Variants in NAV3 observed in about 807,000 individuals in gnomAD.
NAV3 encodes neuron navigator 3, also known as pore membrane and/or filament interacting like protein 1.
A neutral mutation model predicts 244.7 loss-of-function variants in NAV3; 87 were observed. The observed-to-expected ratio is 0.36, with a 90% CI of 0.30 to 0.42. The LOEUF is 0.42. Among genes scored for constraint, NAV3 ranks in the 20% least tolerant of loss-of-function variants. The probability of loss-of-function intolerance (pLI) is 1.00; values close to 1 mark genes in which losing one functional copy is unlikely to be tolerated. For synonymous variants in NAV3, 1,126 were observed against 1,042.2 expected (o/e 1.08, Z -1.55); for missense variants, 2,663 against 2,893.3 (o/e 0.92, Z 1.83).
At chr12:77,833,725 C>T (rs1203569243) in intron 1 of NAV3, among the ~76,000 whole-genome samples, 1 of 152,188 alleles carries the variant, frequency 6.6e-6, no homozygotes, top group Admixed American at 6.5e-5. Context: ...AATCGAGTCA[C>T]ATGTGGGCTT....
At chr12:77,646,730 T>C (rs1344115195) in intron 2 of NAV3, among the ~76,000 whole-genome samples, 1 of 151,800 alleles carries the variant, frequency 6.6e-6, no homozygotes, top group Non-Finnish European at 1.5e-5. Flanking sequence ...GATAGGAGGG[T>C]CACTTTGAAG....
intron 9 of NAV3, among the ~76,000 whole-genome samples, chr12:78,022,202 G>T (rs1002401787): frequency 1.3e-4 from 20 of 152,106 alleles, no homozygotes; most frequent in African/African-American, 4.8e-4. Context: ...AATGCAGCCT[G>T]CTCTGTCATC....
chr12:78,178,414 G>A (rs772028676), intron 28 of NAV3, among the ~76,000 whole-genome samples: 1 of 151,876 alleles, frequency 6.6e-6, no homozygotes, highest in Non-Finnish European at 1.5e-5. Context: ...ACCCACCTCG[G>A]CCTCCCAAAG....
chr12:78,171,597 T>C (rs1958000420), intron 24 of NAV3, among the ~76,000 whole-genome samples: 1 of 151,616 alleles, frequency 6.6e-6, no homozygotes, highest in African/African-American at 2.4e-5. Context: ...ATTTCTGTAA[T>C]ATTAAAACTC....
intron 1 of NAV3, among the ~76,000 whole-genome samples, chr12:77,865,054 T>C (rs2136376835): frequency 6.6e-6 from 1 of 152,166 alleles, no homozygotes; most frequent in South Asian, 2.1e-4. Context: ...AAATGTAACC[T>C]TGTAAGATCT....
chr12:77,624,327 T>C (rs1871518499), intron 2 of NAV3, among the ~76,000 whole-genome samples: 1 of 151,978 alleles, frequency 6.6e-6, no homozygotes, highest in African/African-American at 2.4e-5. Context: ...TAGCGGAAAG[T>C]TGCAAGAAAT....
At chr12:77,739,953 A>G (rs74396112) in intron 2 of NAV3, among the ~76,000 whole-genome samples, 2,059 of 152,320 alleles carry the variant, frequency 0.014, 53 homozygotes, top group Admixed American at 0.069. Context: ...TAAATTATTT[A>G]AATTGAATTA....
At chr12:78,050,130 C>T (rs949165348) in intron 10 of NAV3, 29 bp downstream of exon 10, 3 of 1,452,988 alleles carry the variant, frequency 2.1e-6, no homozygotes, top group Non-Finnish European at 2.9e-6. Flanking sequence ...TATATTTGAG[C>T]CAATAAAGAA....
rs537525051 is a variant in NAV3 at position 77,616,876 on chromosome 12, A to G, written c.72+44610A>G. Among the ~76,000 whole-genome samples the G allele has an allele frequency of 1.1e-4, 17 of 152,250 alleles. No homozygotes were observed. The East Asian group carries it at 3.1e-3, about 28-fold the overall frequency. On this transcript the variant is annotated intron_variant, in intron 2 of 8. Transcript: ENST00000550042. ...AACAACTTTTCTACATTTCTTTTAT[A>G]TTTTATAATCCTAAGAGACTGCTAA...
At chr12:78,131,571 C>A (rs1157132553) in intron 18 of NAV3, among the ~76,000 whole-genome samples, 3 of 152,126 alleles carry the variant, frequency 2.0e-5, no homozygotes, top group Non-Finnish European at 4.4e-5. Context: ...CCTATCAATT[C>A]TTTCATTAAT....
intron 5 of NAV3, among the ~76,000 whole-genome samples, chr12:77,993,111 G>C (rs1055728728): frequency 6.6e-6 from 1 of 152,142 alleles, no homozygotes; most frequent in Non-Finnish European, 1.5e-5. Context: ...AAACTTTATG[G>C]ACTTTGTTGT....
intron 36 of NAV3, chr12:78,199,085 A>G (rs1399826303): frequency 1.7e-6 from 1 of 597,212 alleles, no homozygotes; most frequent in Non-Finnish European, 3.1e-6. Context: ...CAGCATTTAG[A>G]CTCCCACTCA....
chr12:77,883,685 G>A (rs917976756), intron 1 of NAV3, among the ~76,000 whole-genome samples: 4 of 152,152 alleles, frequency 2.6e-5, no homozygotes, highest in Non-Finnish European at 5.9e-5. Context: ...GACAGAGTGA[G>A]GTGAGAACAT....
chr12:77,728,084 A>G (rs1876960365), intron 2 of NAV3, among the ~76,000 whole-genome samples: 1 of 151,846 alleles, frequency 6.6e-6, no homozygotes, highest in Admixed American at 6.6e-5. Flanking sequence ...CAAACTGCAA[A>G]TGGCTACGAT....
intron 2 of NAV3, among the ~76,000 whole-genome samples, chr12:77,749,826 G>T (rs1460682341): frequency 1.3e-5 from 2 of 151,980 alleles, no homozygotes; most frequent in African/African-American, 2.4e-5. Context: ...TATCAGAGTG[G>T]GTCTAAAAGA....
chr12:77,664,277 C>T (rs1271327964), intron 2 of NAV3, among the ~76,000 whole-genome samples: 1 of 152,118 alleles, frequency 6.6e-6, no homozygotes. Context: ...AATCTTCCTA[C>T]TTATATATCA....
At chr12:77,951,939 G>C (rs1015457026) in intron 3 of NAV3, among the ~76,000 whole-genome samples, 1 of 151,912 alleles carries the variant, frequency 6.6e-6, no homozygotes. Flanking sequence ...GAGAGGGGAG[G>C]GATAGCATCA....
At chr12:77,614,074 CTTTTTTTTTTT>C (rs71440485) in intron 2 of NAV3, among the ~76,000 whole-genome samples, 66 of 95,676 alleles carry the variant, frequency 6.9e-4, no homozygotes, top group African/African-American at 1.9e-3. Context: ...TTCTTTCTCT[CTTTTTTTTTTT>C]TTTTTTTTTT....
At chr12:77,974,109 A>G (rs1893249687) in intron 5 of NAV3, among the ~76,000 whole-genome samples, 1 of 152,016 alleles carries the variant, frequency 6.6e-6, no homozygotes, top group Admixed American at 6.6e-5. Context: ...ATAGATGAAG[A>G]TTATATTATA....
Sources: allele counts gnomAD v4.1 joint callset (sites outside exome capture counted in the v4.1 genomes callset), GRCh38; gene constraint gnomAD v4.1.1; transcripts MANE v1.5; gene names NCBI Gene and HGNC (gene_info 2026-07-23, HGNC 2026-07-21).